Variants in DAPK1 observed in about 807,000 individuals in gnomAD.
DAPK1 encodes death associated protein kinase 1.
A neutral mutation model predicts 144.9 loss-of-function variants in DAPK1; 56 were observed. That is an observed-to-expected ratio of 0.39 (90% CI 0.31 to 0.48). DAPK1 has a LOEUF of 0.48. Among genes scored for constraint, DAPK1 ranks in the 20% least tolerant of loss-of-function variants. The pLI, the probability that DAPK1 is intolerant of heterozygous loss-of-function variation, is 0.95. For synonymous variants in DAPK1, 690 were observed against 749.0 expected (o/e 0.92, Z 1.29); for missense variants, 1,454 against 1,875.4 (o/e 0.78, Z 4.15).
intron 2 of DAPK1, among the ~76,000 whole-genome samples, chr9:87,556,694 G>A (rs1419532871): frequency 6.6e-6 from 1 of 152,200 alleles, no homozygotes; most frequent in East Asian, 1.9e-4. Flanking sequence ...GTACAAGGCT[G>A]TGGTACTTCT....
At chr9:87,670,074 A>G (rs935044685) in intron 19 of DAPK1, among the ~76,000 whole-genome samples, 3 of 152,102 alleles carry the variant, frequency 2.0e-5, no homozygotes, top group Middle Eastern at 3.2e-3. Context: ...ATAAATTACC[A>G]TTATGGGCTC....
Position 87,575,213 on chromosome 9 carries a change from C to CAATAAAATAAAATAAAATAAAATAA in DAPK1, c.63-29704_63-29680dup, listed in dbSNP as rs10522915. 3.0e-3 allele frequency among the ~76,000 whole-genome samples: 396 copies of CAATAAAATAAAATAAAATAAAATAA among 131,396 alleles called. 4 individuals are homozygous for CAATAAAATAAAATAAAATAAAATAA. Among genetic ancestry groups the CAATAAAATAAAATAAAATAAAATAA allele is most frequent in the Non-Finnish European group, 4.6e-3 (278 of 60,358 alleles). The allele number at this position is 131,396 out of a possible 152,430, so 86.2% of individuals were successfully genotyped here. Reference sequence around the variant, plus strand: ...CCAGTCTGGGCAACAGACTCCATCTCAATAAAATAAAATAAAATAAAATAA... The same window carrying CAATAAAATAAAATAAAATAAAATAA: ...CCAGTCTGGGCAACAGACTCCATCTCAATAAAATAAAATAAAATAAAATAAAATAAAATAAAATAAAATAAAATAA... On this transcript the variant is annotated intron_variant, in intron 2 of 25. Transcript: ENST00000408954.
intron 3 of DAPK1, chr9:87,632,085 T>C (rs552813053): frequency 6.4e-4 from 452 of 705,772 alleles, no homozygotes; most frequent in Non-Finnish European, 7.0e-4. Flanking sequence ...AATTAGTATA[T>C]ATGTAGAAAT....
chr9:87,600,699 C>G (rs747682121), intron 2 of DAPK1, among the ~76,000 whole-genome samples: 1 of 152,194 alleles, frequency 6.6e-6, no homozygotes, highest in Non-Finnish European at 1.5e-5. Flanking sequence ...TCATAGCATG[C>G]AAAGAATTTC....
intron 2 of DAPK1, among the ~76,000 whole-genome samples, chr9:87,528,452 A>G (rs1477683627): frequency 2.0e-5 from 3 of 152,054 alleles, no homozygotes; most frequent in Non-Finnish European, 2.9e-5. Flanking sequence ...TCCTGACCTC[A>G]GGTGATCCAC....
intron 2 of DAPK1, among the ~76,000 whole-genome samples, chr9:87,526,675 G>A (rs756393701): frequency 1.2e-4 from 18 of 152,090 alleles, no homozygotes; most frequent in Non-Finnish European, 2.2e-4. Flanking sequence ...GAGGGCAAAG[G>A]TTTTTGGGCA....
intron 3 of DAPK1, among the ~76,000 whole-genome samples, chr9:87,625,969 A>G (rs774206068): frequency 6.6e-5 from 10 of 152,232 alleles, no homozygotes; most frequent in Non-Finnish European, 1.3e-4. Flanking sequence ...GTTCAGTAAG[A>G]AAATGGGCAA....
intron 2 of DAPK1, among the ~76,000 whole-genome samples, chr9:87,571,493 A>ACACACC (rs1564001003): frequency 2.1e-5 from 1 of 47,042 alleles, no homozygotes; most frequent in Non-Finnish European, 3.7e-5. Flanking sequence ...ACACACACAC[A>ACACACC]CCCCAACACA....
intron 2 of DAPK1, among the ~76,000 whole-genome samples, chr9:87,536,144 A>G (rs1280203255): frequency 6.6e-6 from 1 of 152,192 alleles, no homozygotes; most frequent in Non-Finnish European, 1.5e-5. Flanking sequence ...GCTCAGGAGC[A>G]GTTTGGTGTC....
At chr9:87,670,926 C>T (rs990583814) in intron 19 of DAPK1, among the ~76,000 whole-genome samples, 1 of 152,164 alleles carries the variant, frequency 6.6e-6, no homozygotes, top group Non-Finnish European at 1.5e-5. Context: ...GCCCATGCCC[C>T]CTTAGCAATG....
intron 2 of DAPK1, among the ~76,000 whole-genome samples, chr9:87,570,457 T>C (rs1182739671): frequency 1.3e-5 from 2 of 152,266 alleles, no homozygotes; most frequent in African/African-American, 4.8e-5. Flanking sequence ...TCAAATACTT[T>C]GCTTTACCTT....
intron 2 of DAPK1, among the ~76,000 whole-genome samples, chr9:87,574,669 C>T (rs1201825981): frequency 6.6e-6 from 1 of 152,188 alleles, no homozygotes; most frequent in Non-Finnish European, 1.5e-5. Context: ...CCTGTAATCC[C>T]AGCATTTTGG....
rs1213806263 is a variant in DAPK1 at position 87,668,677 on chromosome 9, G to T, written c.2001+3G>T. The T allele has an allele frequency of 1.7e-6, 2 of 1,180,548 alleles. No homozygotes were observed. The highest frequency in any genetic ancestry group is 1.2e-5 in the South Asian group (1 of 82,664). 73.1% of individuals were successfully genotyped at this position (1,180,548 alleles called of 1,614,324 possible). ...GTCTCCTTGCAAGACTTCGAAAGGT[G>T]AGAAGTTCTGTTATAGGTCTGAAGT... On this transcript the variant is annotated splice_donor_region_variant and intron_variant, in intron 19 of 25. Transcript: ENST00000408954.
At chr9:87,634,392 CTCT>C (rs939747323) in intron 3 of DAPK1, among the ~76,000 whole-genome samples, 1 of 152,184 alleles carries the variant, frequency 6.6e-6, no homozygotes, top group African/African-American at 2.4e-5. Flanking sequence ...CCAAGGACAT[CTCT>C]TCTTCCTGGG....
In DAPK1 at chr9:87,501,268, C is replaced by A. The variant is rs145909389; in HGVS notation, c.62+2129C>A. 2.4e-3 allele frequency among the ~76,000 whole-genome samples: 364 copies of A among 152,260 alleles called. 3 individuals are homozygous for A. In the Middle Eastern group the frequency reaches 0.027, roughly 11 times the overall value. ...GGCGAGGTGGCTCACACCTGTAATC[C>A]CAGCACTTTTGGGAGGCTGAGGTAG... On this transcript the variant is annotated intron_variant, in intron 2 of 25. Coordinates refer to ENST00000408954, the MANE Select transcript of DAPK1 (RefSeq NM_004938.4).
chr9:87,512,148 C>G (rs1824872189), intron 2 of DAPK1, among the ~76,000 whole-genome samples: 1 of 152,222 alleles, frequency 6.6e-6, no homozygotes, highest in African/African-American at 2.4e-5. Flanking sequence ...GCCCCAAATT[C>G]CTGGGCTCAA....
chr9:87,668,172 G>C (rs903983424), intron 18 of DAPK1: 3 of 160,292 alleles, frequency 1.9e-5, no homozygotes, highest in African/African-American at 7.2e-5. Flanking sequence ...TCATGCAAGG[G>C]CTGGGTTTGT....
At chr9:87,582,545 C>G (rs1241780831) in intron 2 of DAPK1, among the ~76,000 whole-genome samples, 1 of 146,054 alleles carries the variant, frequency 6.8e-6, no homozygotes, top group Admixed American at 6.9e-5. Context: ...TCACACTTTG[C>G]CAATTTTCCT....
chr9:87,542,052 G>A (rs1317620449), intron 2 of DAPK1, among the ~76,000 whole-genome samples: 2 of 152,184 alleles, frequency 1.3e-5, no homozygotes, highest in Non-Finnish European at 2.9e-5. Flanking sequence ...CCTCGGTTCT[G>A]ATGAGAAAAA....
Sources: gnomAD v4.1 joint callset for allele counts (sites outside exome capture counted in the v4.1 genomes callset) on GRCh38, gnomAD v4.1.1 for gene constraint, MANE v1.5 for transcripts, NCBI Gene and HGNC (gene_info 2026-07-23, HGNC 2026-07-21) for gene names.